The following SCAPER variants were observed in gnomAD, a reference collection of about 807,000 sequenced individuals.
The protein encoded by SCAPER is S phase cyclin A-associated protein in the endoplasmic reticulum.
Under a neutral mutation model 182.2 loss-of-function variants are expected in SCAPER, and 98 were observed. That is an observed-to-expected ratio of 0.54 (90% CI 0.46 to 0.64). SCAPER has a LOEUF of 0.64. SCAPER is among the 30% of genes least tolerant of loss of function. The probability of loss-of-function intolerance (pLI) is 0.00; values close to 1 mark genes in which losing one functional copy is unlikely to be tolerated. For synonymous variants in SCAPER, 605 were observed against 564.6 expected (o/e 1.07, Z -1.01); for missense variants, 1,432 against 1,690.0 (o/e 0.85, Z 2.68).
chr15:76,681,753 C>T (rs2057719572), intron 20 of SCAPER, among the ~76,000 whole-genome samples: 1 of 152,144 alleles, frequency 6.6e-6, no homozygotes. Flanking sequence ...ATCACAACTA[C>T]CACAGACACT....
At chr15:76,856,378 T>C (rs1255016468) in intron 4 of SCAPER, among the ~76,000 whole-genome samples, 1 of 151,992 alleles carries the variant, frequency 6.6e-6, no homozygotes, top group Non-Finnish European at 1.5e-5. Flanking sequence ...TTTACCTATA[T>C]AACAAACCTG....
At chr15:76,428,304 C>T (rs1462166968) in intron 26 of SCAPER, among the ~76,000 whole-genome samples, 1 of 152,080 alleles carries the variant, frequency 6.6e-6, no homozygotes, top group Non-Finnish European at 1.5e-5. Context: ...ATCTACACTC[C>T]CATGTTTATT....
At chr15:76,721,198 C>T (rs1381261492) in intron 17 of SCAPER, among the ~76,000 whole-genome samples, 1 of 152,194 alleles carries the variant, frequency 6.6e-6, no homozygotes, top group Non-Finnish European at 1.5e-5. Flanking sequence ...TTCCCCATTG[C>T]TTCTTTTTCT....
chr15:76,460,447 A>G (rs2049078482), intron 25 of SCAPER, among the ~76,000 whole-genome samples: 1 of 152,086 alleles, frequency 6.6e-6, no homozygotes, highest in Non-Finnish European at 1.5e-5. Context: ...CAGATCTAAG[A>G]GTTTTTTGGT....
At chr15:76,356,087 G>C (rs2040943759) in intron 29 of SCAPER, among the ~76,000 whole-genome samples, 1 of 152,196 alleles carries the variant, frequency 6.6e-6, no homozygotes, top group Non-Finnish European at 1.5e-5. Context: ...TTATGAGCCA[G>C]AATGGGACAT....
At chr15:76,624,189 C>T (rs1236832843) in intron 21 of SCAPER, among the ~76,000 whole-genome samples, 1 of 152,204 alleles carries the variant, frequency 6.6e-6, no homozygotes, top group Admixed American at 6.5e-5. Context: ...TAGACGACTT[C>T]AGTAAAGTTT....
intron 28 of SCAPER, among the ~76,000 whole-genome samples, chr15:76,379,346 GAGA>G (rs2042782980): frequency 6.6e-6 from 1 of 152,174 alleles, no homozygotes; most frequent in Admixed American, 6.5e-5. Context: ...AGAGTTGCAT[GAGA>G]AGAAGGAAGA....
intron 10 of SCAPER, among the ~76,000 whole-genome samples, chr15:76,767,593 A>G (rs1286918838): frequency 1.3e-5 from 2 of 152,168 alleles, no homozygotes; most frequent in Non-Finnish European, 2.9e-5. Context: ...ATAAATCCTC[A>G]TGAGAAGCTA....
At chr15:76,877,867 T>A (rs1228539490) in intron 2 of SCAPER, among the ~76,000 whole-genome samples, 1 of 152,232 alleles carries the variant, frequency 6.6e-6, no homozygotes, top group African/African-American at 2.4e-5. Flanking sequence ...ATATCTACTG[T>A]GTATTATATA....
rs530893297 is a variant in SCAPER, at chr15:76,725,179, A to T, written c.2165+3416T>A. Among the ~76,000 whole-genome samples the T allele has an allele frequency of 3.3e-5, 5 of 152,300 alleles. No individual in the cohort carries two copies. In the South Asian group the frequency reaches 1.0e-3, roughly 32 times the overall value. ...AACAGGATAAAATAGTAACTAAAAA[A>T]TATCATAAAATGTGTACAAAAAATA... On this transcript the variant is annotated intron_variant, in intron 17 of 31. Coordinates refer to ENST00000563290, the MANE Select transcript of SCAPER (RefSeq NM_020843.4).
chr15:76,545,617 T>C (rs2045208995), intron 23 of SCAPER, among the ~76,000 whole-genome samples: 1 of 152,140 alleles, frequency 6.6e-6, no homozygotes, highest in African/African-American at 2.4e-5. Context: ...AGATAATAGC[T>C]ATCTCAGGAC....
chr15:76,771,994 A>G (rs1183653420), intron 9 of SCAPER, 40 bp from the exon 10 acceptor site: 6 of 1,436,230 alleles, frequency 4.2e-6, no homozygotes, highest in Admixed American at 3.5e-5. Context: ...TAATTAAAAA[A>G]TACCAACTAT....
At chr15:76,536,773 A>G (rs942303730) in intron 23 of SCAPER, among the ~76,000 whole-genome samples, 2 of 152,142 alleles carry the variant, frequency 1.3e-5, no homozygotes, top group Admixed American at 6.5e-5. Context: ...AGGAAGTCAA[A>G]TTGTCCCTGT....
At chr15:76,609,316 C>A (rs2050762441) in intron 22 of SCAPER, among the ~76,000 whole-genome samples, 1 of 142,232 alleles carries the variant, frequency 7.0e-6, no homozygotes, top group Non-Finnish European at 1.5e-5. Flanking sequence ...ACAGTGAGAT[C>A]TTTTCTCTTA....
intron 17 of SCAPER, among the ~76,000 whole-genome samples, chr15:76,727,053 G>GA (rs34611688): frequency 0.32 from 48,439 of 151,008 alleles, 8,028 homozygotes; most frequent in East Asian, 0.55. Context: ...ATCCTTTATA[G>GA]AAAAAAAAAT....
chr15:76,733,140 T>A (rs115726815), intron 16 of SCAPER, 89 bp downstream of exon 16: 1 of 1,163,160 alleles, frequency 8.6e-7, no homozygotes, highest in Non-Finnish European at 1.2e-6. Flanking sequence ...TCTCCGCACA[T>A]GGGGAGAAAA....
At chr15:76,844,160 C>A (rs1049834596) in intron 4 of SCAPER, among the ~76,000 whole-genome samples, 1 of 151,584 alleles carries the variant, frequency 6.6e-6, no homozygotes, top group Non-Finnish European at 1.5e-5. Context: ...TCCCAAGACA[C>A]TCAATAGATG....
At chr15:76,720,414 C>T (rs1257122647) in intron 17 of SCAPER, among the ~76,000 whole-genome samples, 2 of 152,136 alleles carry the variant, frequency 1.3e-5, no homozygotes, top group African/African-American at 4.8e-5. Context: ...TTTATAGCAG[C>T]ATGATTTATA....
intron 23 of SCAPER, among the ~76,000 whole-genome samples, chr15:76,530,141 T>C (rs1022330550): frequency 1.3e-5 from 2 of 152,186 alleles, no homozygotes; most frequent in African/African-American, 4.8e-5. Flanking sequence ...GAAAACAGTT[T>C]TTAGGAATGC....
Sources: allele counts gnomAD v4.1 joint callset (sites outside exome capture counted in the v4.1 genomes callset), GRCh38; gene constraint gnomAD v4.1.1; transcripts MANE v1.5; gene names NCBI Gene and HGNC (gene_info 2026-07-23, HGNC 2026-07-21).